Variants in PXDN observed in about 807,000 individuals in gnomAD.
PXDN encodes the protein peroxidasin, also known as peroxidasin homolog.
In PXDN, 77 loss-of-function variants were observed where a neutral mutation model predicts 140.3. That is an observed-to-expected ratio of 0.55 (90% CI 0.46 to 0.66). The LOEUF is 0.66. PXDN is among the 30% of genes least tolerant of loss of function. The pLI is 0.00. For missense variants in PXDN, 1,838 were observed against 2,039.5 expected (o/e 0.90, Z 1.90); for synonymous variants, 911 against 857.4 (o/e 1.06, Z -1.09).
At chr2:1,741,002 T>C (rs548378612) in intron 1 of PXDN, among the ~76,000 whole-genome samples, 38 of 152,294 alleles carry the variant, frequency 2.5e-4, no homozygotes, top group Middle Eastern at 3.4e-3. Context: ...GGACAACTCA[T>C]GGCTTTGCAG....
At chr2:1,732,856 T>G (rs531278615) in intron 1 of PXDN, among the ~76,000 whole-genome samples, 11 of 152,352 alleles carry the variant, frequency 7.2e-5, no homozygotes, top group African/African-American at 2.4e-4. Flanking sequence ...ATTATTAAAA[T>G]TGTATTTATT....
chr2:1,657,479 C>T (rs542874629), intron 14 of PXDN, among the ~76,000 whole-genome samples: 31 of 151,874 alleles, frequency 2.0e-4, no homozygotes, highest in African/African-American at 7.5e-4. Context: ...GGACCTGCTG[C>T]CTCCCGACTG....
At chr2:1,724,511 C>A (rs1159442521) in intron 1 of PXDN, among the ~76,000 whole-genome samples, 1 of 152,080 alleles carries the variant, frequency 6.6e-6, no homozygotes, top group East Asian at 1.9e-4. Context: ...GATCTTGCTG[C>A]AGAACACCTT....
chr2:1,682,623 A>C (rs967485025), intron 6 of PXDN, among the ~76,000 whole-genome samples: 1 of 152,248 alleles, frequency 6.6e-6, no homozygotes, highest in African/African-American at 2.4e-5. Context: ...AGTATAAGCA[A>C]AAAGTATATT....
At chr2:1,720,665 C>G (rs963540933) in intron 1 of PXDN, among the ~76,000 whole-genome samples, 16 of 136,586 alleles carry the variant, frequency 1.2e-4, no homozygotes, top group African/African-American at 5.1e-4. Context: ...CTCTCTGCAT[C>G]TCTTTCTCTC....
At position 1,651,322 on chromosome 2, in the gene PXDN, G is replaced by C. The variant is rs1303624036; in HGVS notation, c.2105-1647C>G. Among the ~76,000 whole-genome samples the C allele has an allele frequency of 1.3e-5, 2 of 152,282 alleles. No individual in the cohort carries two copies. The highest frequency in any genetic ancestry group is 2.1e-4 in the South Asian group (1 of 4,826). ...CCGTGGCGTTGGCCATTGGTTCAGA[G>C]GCAGACCAGACCCGCCAACCAGAGC... On this transcript the variant is annotated intron_variant, in intron 16 of 22. Coordinates refer to ENST00000252804, the MANE Select transcript of PXDN (RefSeq NM_012293.3). This position sits in a 1 kb window ranked among gnomAD's most constrained non-coding sequence, Gnocchi z 4.4.
chr2:1,729,927 T>G (rs1307688276), intron 1 of PXDN, among the ~76,000 whole-genome samples: 1 of 152,318 alleles, frequency 6.6e-6, no homozygotes, highest in African/African-American at 2.4e-5. Flanking sequence ...GGCCTCTAAT[T>G]ATTGAACAGA....
chr2:1,743,913 G>A (rs955296709), intron 1 of PXDN, among the ~76,000 whole-genome samples: 21 of 146,502 alleles, frequency 1.4e-4, no homozygotes, highest in Non-Finnish European at 2.4e-4. Context: ...ATGAGAGGGG[G>A]CGGCGGGAGG....
chr2:1,634,867 C>G (rs1187944050), intron 22 of PXDN, among the ~76,000 whole-genome samples: 1 of 152,224 alleles, frequency 6.6e-6, no homozygotes, highest in Admixed American at 6.5e-5. Flanking sequence ...CACTATGCCC[C>G]AAGCTTTCCA....
chr2:1,664,939 G>T lies in PXDN; in HGVS notation c.1408+19C>A. 6.4e-7 allele frequency: 1 copy of T among 1,560,528 alleles called. No individual in the cohort carries two copies. Among genetic ancestry groups the T allele is most frequent in the Non-Finnish European group, 8.8e-7 (1 of 1,137,014 alleles). On this transcript the variant is annotated intron_variant, in intron 11 of 22. Transcript: ENST00000252804. ...TGTGGCCGCGGAGGGAGCAGGCAAA[G>T]GGCCGGCCTGGGTCTTACCTCCCTT...
rs34355979 is a variant in PXDN, at chr2:1,732,237, G to A, written c.200+12019C>T. On this transcript the variant is annotated intron_variant, in intron 1 of 22. Coordinates refer to ENST00000252804, the MANE Select transcript of PXDN (RefSeq NM_012293.3). Reference sequence around the variant, plus strand: ...AGAGAGAAGACAACGCTGAGAACCCGGGGAGGCCAGGCAGCAGACCTGGCA... The same window carrying A: ...AGAGAGAAGACAACGCTGAGAACCCAGGGAGGCCAGGCAGCAGACCTGGCA... Among the ~76,000 whole-genome samples the A allele has an allele frequency of 4.2e-3, 635 of 152,248 alleles. 6 individuals carry two copies. Among genetic ancestry groups the A allele is most frequent in the Non-Finnish European group, 5.8e-3 (397 of 68,022 alleles).
intron 1 of PXDN, among the ~76,000 whole-genome samples, chr2:1,732,056 A>C (rs895038614): frequency 2.6e-5 from 4 of 152,188 alleles, no homozygotes; most frequent in Non-Finnish European, 5.9e-5. Context: ...TAGGGGCAAG[A>C]CTTTCTCTTC....
chr2:1,711,682 G>A lies in PXDN; in HGVS notation c.201-18548C>T, dbSNP rs535127324. Among the ~76,000 whole-genome samples the A allele has an allele frequency of 8.1e-5, 12 of 148,904 alleles. No individual in the cohort carries two copies. The East Asian group carries it at 2.0e-3, about 24-fold the overall frequency. Reference sequence around the variant, plus strand: ...CACCCACTCTCCACCAGCACCTGCCGAACCACTAGGCTGAATAAAAGGAGG... The same window carrying A: ...CACCCACTCTCCACCAGCACCTGCCAAACCACTAGGCTGAATAAAAGGAGG... On this transcript the variant is annotated intron_variant, in intron 1 of 22. Transcript: ENST00000252804.
intron 1 of PXDN, among the ~76,000 whole-genome samples, chr2:1,739,573 CA>C (rs1300768621): frequency 1.3e-5 from 2 of 152,180 alleles, no homozygotes; most frequent in Admixed American, 1.3e-4. Flanking sequence ...CTCATGTAGT[CA>C]CATACTAGTT....
chr2:1,663,346 A>G (rs1320830826), intron 12 of PXDN, among the ~76,000 whole-genome samples: 1 of 152,182 alleles, frequency 6.6e-6, no homozygotes, highest in African/African-American at 2.4e-5. Flanking sequence ...ATTTTACTTT[A>G]ACAAGTCACT....
rs1682664107 is a variant in PXDN, at chr2:1,639,500, T to C, written c.3953-78A>G. 5 of 1,597,658 alleles carry C rather than the reference T, an allele frequency of 3.1e-6. No individual in the cohort carries two copies. Among genetic ancestry groups the C allele is most frequent in the Non-Finnish European group, 1.7e-6 (2 of 1,169,222 alleles). The stretch of plus-strand genomic sequence containing the variant: ...GAAATTAAGCACATCCTGCCAACTA[T>C]GAAGTCTTCACTGGCTGCCCGTGGA... On this transcript the variant is annotated intron_variant, in intron 19 of 22. Coordinates refer to ENST00000252804, the MANE Select transcript of PXDN (RefSeq NM_012293.3). The surrounding 1 kb of genome is among the most constrained non-coding windows in gnomAD (Gnocchi z 5.0).
intron 9 of PXDN, among the ~76,000 whole-genome samples, chr2:1,670,019 C>T (rs1210404385): frequency 2.0e-5 from 3 of 152,120 alleles, no homozygotes; most frequent in African/African-American, 7.2e-5. Context: ...CTTTATGCTA[C>T]TTTCTGTGAA....
In PXDN at chr2:1,660,112, C is replaced by T. The variant is rs1265329035; in HGVS notation, c.1837+769G>A. ...AGTGGGGAACACACCACTGATGAGG[C>T]GCAGGTTTGGGTCACACTGTGAAGA... On this transcript the variant is annotated intron_variant, in intron 14 of 22. Coordinates refer to ENST00000252804, the MANE Select transcript of PXDN (RefSeq NM_012293.3). The surrounding 1 kb of genome is among the most constrained non-coding windows in gnomAD (Gnocchi z 4.6). Among the ~76,000 whole-genome samples the T allele has an allele frequency of 6.6e-6, 1 of 152,086 alleles. No individual in the cohort carries two copies. The highest frequency in any genetic ancestry group is 2.4e-5 in the African/African-American group (1 of 41,406).
chr2:1,633,297 G>T lies in PXDN; in HGVS notation c.*907C>A, dbSNP rs1265550283. On this transcript the variant is annotated 3_prime_UTR_variant, in exon 23 of 23. Coordinates refer to ENST00000252804, the MANE Select transcript of PXDN (RefSeq NM_012293.3). ...TCAGGACGTGGACGCAACCAGGGCCGGCTGGGAGCGGCGTTGTCAACACAC... is the reference window on the plus strand; with the variant it reads ...TCAGGACGTGGACGCAACCAGGGCCTGCTGGGAGCGGCGTTGTCAACACAC... 1.3e-5 allele frequency: 2 copies of T among 151,878 alleles called. No homozygotes were observed. Among genetic ancestry groups the T allele is most frequent in the South Asian group, 2.1e-4 (1 of 4,782 alleles). 9.4% of individuals were successfully genotyped at this position (151,878 alleles called of 1,614,324 possible). A position where few individuals can be genotyped will look rare whatever the true frequency, so the allele number is the denominator to read the frequency against.
Sources: allele counts gnomAD v4.1 joint callset (sites outside exome capture counted in the v4.1 genomes callset), GRCh38; gene constraint gnomAD v4.1.1; non-coding constraint Gnocchi (gnomAD v3.1); transcripts MANE v1.5; gene names NCBI Gene and HGNC (gene_info 2026-07-23, HGNC 2026-07-21).